The following ANKS1B variants were observed in gnomAD, a reference collection of about 807,000 sequenced individuals.
ANKS1B encodes ankyrin repeat and sterile alpha motif domain-containing protein 1B.
Under a neutral mutation model 148.3 loss-of-function variants are expected in ANKS1B, and 36 were observed. That is an observed-to-expected ratio of 0.24 (90% confidence interval 0.19 to 0.32). ANKS1B has a LOEUF of 0.32. Ranked by LOEUF, ANKS1B falls within the 10% of genes least tolerant of loss-of-function variation. The pLI, the probability that ANKS1B is intolerant of heterozygous loss-of-function variation, is 1.00. For missense variants in ANKS1B, 1,157 were observed against 1,542.6 expected (o/e 0.75, Z 4.19); for synonymous variants, 542 against 560.8 (o/e 0.97, Z 0.47).
chr12:99,320,684 G>A (rs1042012703), intron 12 of ANKS1B, among the ~76,000 whole-genome samples: 2 of 152,140 alleles, frequency 1.3e-5, no homozygotes, highest in African/African-American at 4.8e-5. Context: ...ATCATCTGAA[G>A]CCTTCTTCTC....
chr12:99,673,522 T>C (rs1291808000), intron 8 of ANKS1B, among the ~76,000 whole-genome samples: 1 of 151,996 alleles, frequency 6.6e-6, no homozygotes. Flanking sequence ...TAAACAATAG[T>C]ATAAGCATTA....
At chr12:99,466,478 CA>C (rs1369941385) in intron 10 of ANKS1B, among the ~76,000 whole-genome samples, 8 of 151,532 alleles carry the variant, frequency 5.3e-5, no homozygotes, top group African/African-American at 1.7e-4. Flanking sequence ...AAAAACCCTT[CA>C]AAAAATTAAT....
At chr12:98,853,314 G>A (rs1245327236) in intron 17 of ANKS1B, among the ~76,000 whole-genome samples, 2 of 152,146 alleles carry the variant, frequency 1.3e-5, no homozygotes, top group Non-Finnish European at 2.9e-5. Context: ...GTTCCATCAG[G>A]GACTTGGTAG....
intron 20 of ANKS1B, among the ~76,000 whole-genome samples, chr12:98,803,491 A>G (rs959166899): frequency 6.6e-6 from 1 of 152,210 alleles, no homozygotes; most frequent in African/African-American, 2.4e-5. Flanking sequence ...AACTCCGTGG[A>G]ATGATACAAA....
chr12:99,408,527 C>G lies in ANKS1B; in HGVS notation c.1576-8716G>C, dbSNP rs1462962973. 1.4e-5 allele frequency among the ~76,000 whole-genome samples: 2 copies of G among 145,064 alleles called. 1 individual carries two copies. The highest frequency in any genetic ancestry group is 3.0e-5 in the Non-Finnish European group (2 of 65,832). ...TTATATCAAGCTAAAAACTTCTGCA[C>G]AGCAAAGGAAACAACCAATAAAGTG... On this transcript the variant is annotated intron_variant, in intron 11 of 26. Coordinates refer to ENST00000683438, the MANE Select transcript of ANKS1B (RefSeq NM_001352186.2).
At chr12:98,776,545 G>C (rs2098677609) in intron 24 of ANKS1B, among the ~76,000 whole-genome samples, 1 of 152,224 alleles carries the variant, frequency 6.6e-6, no homozygotes, top group Admixed American at 6.5e-5. Flanking sequence ...GTGAGAAACA[G>C]CTGAAGAGGT....
At chr12:99,109,378 C>T (rs1202938127) in intron 15 of ANKS1B, among the ~76,000 whole-genome samples, 1 of 152,090 alleles carries the variant, frequency 6.6e-6, no homozygotes, top group Non-Finnish European at 1.5e-5. Context: ...ACGTGCCAGG[C>T]CCTGAGCTAG....
intron 15 of ANKS1B, among the ~76,000 whole-genome samples, chr12:99,095,140 A>G (rs1046636386): frequency 6.6e-6 from 1 of 152,182 alleles, no homozygotes; most frequent in Non-Finnish European, 1.5e-5. Flanking sequence ...ATGTGGATAC[A>G]ACTATGAATA....
chr12:99,486,271 G>A (rs1164941342), intron 10 of ANKS1B, among the ~76,000 whole-genome samples: 1 of 151,602 alleles, frequency 6.6e-6, no homozygotes, highest in African/African-American at 2.4e-5. Flanking sequence ...GCCTAACTTA[G>A]TTCTTGGTAC....
intron 17 of ANKS1B, chr12:98,895,329 C>T (rs953467040): frequency 9.1e-6 from 9 of 984,416 alleles, no homozygotes; most frequent in Non-Finnish European, 1.1e-5. Context: ...CCGCGCACTC[C>T]GGGAGGCCGC....
At chr12:99,451,197 T>C (rs529496381) in intron 10 of ANKS1B, among the ~76,000 whole-genome samples, 1 of 152,350 alleles carries the variant, frequency 6.6e-6, no homozygotes, top group African/African-American at 2.4e-5. Context: ...ATATTAATTA[T>C]TCATTATGAA....
intron 9 of ANKS1B, among the ~76,000 whole-genome samples, chr12:99,555,521 C>T (rs2097266822): frequency 6.6e-6 from 1 of 152,080 alleles, no homozygotes; most frequent in South Asian, 2.1e-4. Context: ...TGTTTCAGTT[C>T]TCAAGGGTTA....
At chr12:99,797,242 A>T (rs1165157261) in intron 4 of ANKS1B, among the ~76,000 whole-genome samples, 1 of 151,956 alleles carries the variant, frequency 6.6e-6, no homozygotes, top group African/African-American at 2.4e-5. Flanking sequence ...TTTAAAAAAA[A>T]ATCAAGTGCC....
chr12:99,758,956 T>C (rs868243570), intron 8 of ANKS1B, among the ~76,000 whole-genome samples: 1 of 151,888 alleles, frequency 6.6e-6, no homozygotes, highest in South Asian at 2.1e-4. Context: ...GAATAGATTA[T>C]AGGAAAAGAT....
intron 14 of ANKS1B, among the ~76,000 whole-genome samples, chr12:99,242,775 A>C (rs574297530): frequency 5.1e-4 from 78 of 152,344 alleles, no homozygotes; most frequent in South Asian, 5.0e-3. Context: ...CAAACCTGAC[A>C]AAAACAAGCA....
At chr12:99,257,982 A>G (rs2153979370) in intron 12 of ANKS1B, among the ~76,000 whole-genome samples, 1 of 152,340 alleles carries the variant, frequency 6.6e-6, no homozygotes, top group East Asian at 1.9e-4. Context: ...TCTCAAGAAC[A>G]TGTCTTATTC....
intron 17 of ANKS1B, among the ~76,000 whole-genome samples, chr12:99,050,418 C>T (rs539523292): frequency 6.6e-6 from 1 of 152,254 alleles, no homozygotes; most frequent in Non-Finnish European, 1.5e-5. Flanking sequence ...AAATGACATA[C>T]AAATCCTCAC....
intron 11 of ANKS1B, among the ~76,000 whole-genome samples, chr12:99,427,620 T>C (rs1452180985): frequency 6.6e-6 from 1 of 152,222 alleles, no homozygotes; most frequent in Non-Finnish European, 1.5e-5. Flanking sequence ...CACTTGATCA[T>C]TGAATATTTA....
At chr12:99,681,456 C>A (rs2098616485) in intron 8 of ANKS1B, among the ~76,000 whole-genome samples, 1 of 152,200 alleles carries the variant, frequency 6.6e-6, no homozygotes, top group Non-Finnish European at 1.5e-5. Context: ...GCTACCTCCA[C>A]TGGAGTAGCT....
Sources: allele counts gnomAD v4.1 joint callset (sites outside exome capture counted in the v4.1 genomes callset), GRCh38; gene constraint gnomAD v4.1.1; transcripts MANE v1.5; gene names NCBI Gene and HGNC (gene_info 2026-07-23, HGNC 2026-07-21).